The following NRG1 variants were observed in gnomAD, a reference collection of about 807,000 sequenced individuals.
NRG1 encodes the protein pro-neuregulin-1, membrane-bound isoform.
A neutral mutation model predicts 63.8 loss-of-function variants in NRG1; 18 were observed. That is an observed-to-expected ratio of 0.28 (90% CI 0.19 to 0.42). NRG1 has a LOEUF of 0.42. Among genes scored for constraint, NRG1 ranks in the 10% least tolerant of loss-of-function variants. The pLI is 1.00. For synonymous variants in NRG1, 302 were observed against 301.3 expected, an observed-to-expected ratio of 1.00 and a Z score of -0.02; for missense variants, 762 against 814.7, an observed-to-expected ratio of 0.94 and a Z score of 0.79.
chr8:32,540,628 T>A (rs1832487349), intron 1 of NRG1, among the ~76,000 whole-genome samples: 1 of 152,132 alleles, frequency 6.6e-6, no homozygotes. Flanking sequence ...GTACACACTC[T>A]GGGACAAACA....
At chr8:32,686,036 A>G (rs1187861766) in intron 5 of NRG1, among the ~76,000 whole-genome samples, 2 of 152,236 alleles carry the variant, frequency 1.3e-5, no homozygotes, top group Admixed American at 1.3e-4. Context: ...GAGCACAAAG[A>G]AAGAAAGATA....
chr8:32,639,964 A>C (rs1021667384), intron 5 of NRG1, among the ~76,000 whole-genome samples: 3 of 152,216 alleles, frequency 2.0e-5, no homozygotes, highest in Non-Finnish European at 4.4e-5. Flanking sequence ...ATAAGATTGC[A>C]CATTGGATAT....
intron 1 of NRG1, among the ~76,000 whole-genome samples, chr8:31,947,151 T>G (rs2129622057): frequency 1.3e-5 from 2 of 150,038 alleles, no homozygotes; most frequent in South Asian, 2.1e-4. Flanking sequence ...ATACAAAAAA[T>G]TAGCCGGGCG....
intron 1 of NRG1, among the ~76,000 whole-genome samples, chr8:31,852,844 C>T (rs1827397049): frequency 6.6e-6 from 1 of 152,184 alleles, no homozygotes; most frequent in Non-Finnish European, 1.5e-5. Context: ...CCAGTTTTCC[C>T]AGCACCATTT....
upstream of NRG1, among the ~76,000 whole-genome samples, chr8:32,547,697 C>T (rs1833237234): frequency 6.6e-6 from 1 of 152,014 alleles, no homozygotes; most frequent in South Asian, 2.1e-4. Flanking sequence ...TTCCTGTGCA[C>T]CTGGAAGGAA....
intron 1 of NRG1, among the ~76,000 whole-genome samples, chr8:32,059,094 T>C (rs1823433389): frequency 6.6e-6 from 1 of 152,116 alleles, no homozygotes; most frequent in South Asian, 2.1e-4. Context: ...TGTCATGACC[T>C]CTAACTCACT....
At chr8:31,958,044 C>CAGATAGATAGATAGAT (rs59793665) in intron 1 of NRG1, among the ~76,000 whole-genome samples, 17,928 of 145,758 alleles carry the variant, frequency 0.12, 1,245 homozygotes, top group East Asian at 0.17. Context: ...CAGTAGAGAC[C>CAGATAGATAGATAGAT]AGATAGATAG....
intron 1 of NRG1, among the ~76,000 whole-genome samples, chr8:31,960,748 C>T (rs1407345254): frequency 6.6e-6 from 1 of 152,240 alleles, no homozygotes; most frequent in Non-Finnish European, 1.5e-5. Context: ...CAGCCCCAGA[C>T]ACCTGGGACT....
At chr8:32,321,178 G>A (rs965997127) in intron 1 of NRG1, among the ~76,000 whole-genome samples, 11 of 151,952 alleles carry the variant, frequency 7.2e-5, no homozygotes, top group Admixed American at 2.0e-4. Flanking sequence ...CATATACCTC[G>A]ATTGGTTGAG....
At chr8:32,028,536 G>T (rs1817805014) in intron 1 of NRG1, among the ~76,000 whole-genome samples, 2 of 151,956 alleles carry the variant, frequency 1.3e-5, no homozygotes, top group Non-Finnish European at 2.9e-5. Context: ...ACCATTTCAG[G>T]GTTTTGCATT....
intron 1 of NRG1, among the ~76,000 whole-genome samples, chr8:32,451,769 C>T (rs1820977945): frequency 1.3e-5 from 2 of 152,130 alleles, no homozygotes; most frequent in Non-Finnish European, 2.9e-5. Context: ...CTAATATTTG[C>T]CTTGTTTCAT....
intron 1 of NRG1, among the ~76,000 whole-genome samples, chr8:32,014,604 T>C (rs892355926): frequency 5.9e-5 from 9 of 151,898 alleles, no homozygotes; most frequent in African/African-American, 2.2e-4. Flanking sequence ...AGCTTGTGCA[T>C]TGGATTAGGA....
chr8:32,148,572 A>G (rs1025037847), intron 1 of NRG1, among the ~76,000 whole-genome samples: 33 of 152,114 alleles, frequency 2.2e-4, no homozygotes, highest in African/African-American at 6.5e-4. Flanking sequence ...CTAATTTTTT[A>G]TACTACCTCA....
intron 1 of NRG1, among the ~76,000 whole-genome samples, chr8:32,356,504 G>A (rs981144283): frequency 7.9e-5 from 5 of 63,236 alleles, no homozygotes; most frequent in African/African-American, 3.4e-4. Context: ...GCCCCACCCC[G>A]TTGATATCCT....
intron 1 of NRG1, among the ~76,000 whole-genome samples, chr8:32,059,281 C>A (rs1331651216): frequency 6.6e-6 from 1 of 151,828 alleles, no homozygotes; most frequent in Non-Finnish European, 1.5e-5. Context: ...TGCTTTCCCC[C>A]ACTCCAAATA....
At chr8:32,569,986 C>A (rs1838233403) in intron 1 of NRG1, among the ~76,000 whole-genome samples, 1 of 149,220 alleles carries the variant, frequency 6.7e-6, no homozygotes, top group African/African-American at 2.5e-5. Flanking sequence ...TGGCTCACTG[C>A]AACCTCTGCC....
chr8:32,088,889 A>C (rs1828684306), intron 1 of NRG1, among the ~76,000 whole-genome samples: 1 of 152,152 alleles, frequency 6.6e-6, no homozygotes, highest in Admixed American at 6.5e-5. Context: ...GATTTCTTTA[A>C]TGCTAGATAG....
intron 5 of NRG1, among the ~76,000 whole-genome samples, chr8:32,632,755 A>G (rs1850568369): frequency 6.6e-6 from 1 of 152,150 alleles, no homozygotes; most frequent in African/African-American, 2.4e-5. Flanking sequence ...TCATTTTATT[A>G]TTGATTTCTT....
intron 5 of NRG1, among the ~76,000 whole-genome samples, chr8:32,628,060 G>A (rs1849607492): frequency 6.6e-6 from 1 of 152,066 alleles, no homozygotes; most frequent in Non-Finnish European, 1.5e-5. Flanking sequence ...ATGTAGCTTT[G>A]AGAACAGATT....
Sources: allele counts gnomAD v4.1 joint callset (sites outside exome capture counted in the v4.1 genomes callset), GRCh38; gene constraint gnomAD v4.1.1; transcripts MANE v1.5; gene names NCBI Gene and HGNC (gene_info 2026-07-23, HGNC 2026-07-21).